Variants in PCSK5 observed in about 807,000 individuals in gnomAD.
PCSK5 encodes the protein proprotein convertase subtilisin/kexin type 5.
In PCSK5, 129 loss-of-function variants were observed where a neutral mutation model predicts 233.2. That is an observed-to-expected ratio of 0.55 (90% CI 0.48 to 0.64). The LOEUF (loss-of-function observed/expected upper bound fraction) is 0.64. PCSK5 is among the 30% of genes least tolerant of loss of function. The probability of loss-of-function intolerance (pLI) is 0.00; values close to 1 mark genes in which losing one functional copy is unlikely to be tolerated. For missense variants in PCSK5, 2,076 were observed against 2,430.1 expected, an observed-to-expected ratio of 0.85 and a Z score of 3.06; for synonymous variants, 825 against 879.2, an observed-to-expected ratio of 0.94 and a Z score of 1.09.
chr9:76,362,631 A>G lies in PCSK5; in HGVS notation c.*3709A>G, dbSNP rs1367180264. On this transcript the variant is annotated 3_prime_UTR_variant, in exon 38 of 38. Transcript: ENST00000674117. ...CAAAGAAAGAAGAAGTAAAAACTAA[A>G]AGGCAAAAATGAAATCCACAGGCAG... 1.3e-5 allele frequency among the ~76,000 whole-genome samples: 2 copies of G among 152,222 alleles called. No homozygotes were observed. The highest frequency in any genetic ancestry group is 3.8e-4 in the East Asian group (2 of 5,198).
intron 34 of PCSK5, among the ~76,000 whole-genome samples, chr9:76,334,273 G>T (rs1324647590): frequency 3.9e-5 from 6 of 152,126 alleles, no homozygotes; most frequent in Non-Finnish European, 8.8e-5. Flanking sequence ...GATGAGATTT[G>T]GGTGAGACAC....
intron 24 of PCSK5, among the ~76,000 whole-genome samples, chr9:76,259,637 T>C (rs1423511422): frequency 2.0e-5 from 3 of 152,210 alleles, no homozygotes; most frequent in Admixed American, 2.0e-4. Flanking sequence ...ATCGATTCTA[T>C]TTACTGTTGT....
intron 2 of PCSK5, among the ~76,000 whole-genome samples, chr9:75,946,879 C>T (rs1587402493): frequency 6.6e-6 from 1 of 152,274 alleles, no homozygotes; most frequent in East Asian, 1.9e-4. Context: ...TAAGCCACCG[C>T]GCCCAGCCAA....
chr9:76,230,697 G>A (rs985656481), intron 21 of PCSK5, among the ~76,000 whole-genome samples: 3 of 152,118 alleles, frequency 2.0e-5, no homozygotes, highest in Non-Finnish European at 4.4e-5. Context: ...CACATCAGCA[G>A]CAGCATTAGA....
intron 24 of PCSK5, among the ~76,000 whole-genome samples, chr9:76,252,314 G>T (rs987328578): frequency 2.6e-5 from 4 of 152,000 alleles, no homozygotes; most frequent in Non-Finnish European, 4.4e-5. Context: ...ATAAAGAAAG[G>T]CTTCTTTTCT....
chr9:76,213,227 C>T (rs1808292887), intron 20 of PCSK5, among the ~76,000 whole-genome samples: 1 of 152,098 alleles, frequency 6.6e-6, no homozygotes, highest in African/African-American at 2.4e-5. Context: ...CTGTAATGAC[C>T]CATGTATAAA....
chr9:76,187,555 G>C lies in PCSK5; in HGVS notation c.2283-1023G>C, dbSNP rs564336360. 9.0e-4 allele frequency among the ~76,000 whole-genome samples: 137 copies of C among 152,086 alleles called. 1 individual carries two copies. Among genetic ancestry groups the C allele is most frequent in the Non-Finnish European group, 1.9e-3 (127 of 67,976 alleles). ...TTTTTTTAGCCTTTGTAGAGATGGCGTCTGACTGTGTTGCCCAGGCTAGTC... is the reference window on the plus strand; with the variant it reads ...TTTTTTTAGCCTTTGTAGAGATGGCCTCTGACTGTGTTGCCCAGGCTAGTC... On this transcript the variant is annotated intron_variant, in intron 17 of 37. Transcript: ENST00000674117.
intron 24 of PCSK5, among the ~76,000 whole-genome samples, chr9:76,264,230 G>C (rs1031338180): frequency 6.6e-6 from 1 of 152,162 alleles, no homozygotes; most frequent in South Asian, 2.1e-4. Context: ...TTTGATAAAT[G>C]GTGCTGGGAT....
intron 17 of PCSK5, among the ~76,000 whole-genome samples, chr9:76,186,854 C>T (rs949071826): frequency 6.6e-5 from 10 of 152,064 alleles, no homozygotes; most frequent in African/African-American, 9.7e-5. Context: ...TAAATGACAG[C>T]GCTCTCTCTC....
intron 2 of PCSK5, among the ~76,000 whole-genome samples, chr9:75,933,325 C>T (rs1587382083): frequency 6.6e-6 from 1 of 152,164 alleles, no homozygotes; most frequent in African/African-American, 2.4e-5. Flanking sequence ...GAGGGCGCAT[C>T]TGTACCAACT....
At chr9:76,056,784 T>G (rs1829834364) in intron 5 of PCSK5, among the ~76,000 whole-genome samples, 1 of 152,176 alleles carries the variant, frequency 6.6e-6, no homozygotes, top group Non-Finnish European at 1.5e-5. Flanking sequence ...GAATCAGAAG[T>G]GATGCAATAA....
chr9:75,897,266 C>T (rs1587326347), intron 1 of PCSK5, among the ~76,000 whole-genome samples: 1 of 151,902 alleles, frequency 6.6e-6, no homozygotes, highest in South Asian at 2.1e-4. Flanking sequence ...GTGATTGTCC[C>T]TGGGGATATA....
chr9:76,241,922 G>T (rs1015233583), intron 24 of PCSK5, among the ~76,000 whole-genome samples: 1 of 152,178 alleles, frequency 6.6e-6, no homozygotes, highest in Non-Finnish European at 1.5e-5. Context: ...TTGAAATGCA[G>T]ATTCTGATTC....
In PCSK5 at chr9:76,148,137, C is replaced by T. The variant is rs780365660; in HGVS notation, c.1313-8908C>T. Among the ~76,000 whole-genome samples, 45 of 151,802 alleles carry T rather than the reference C, an allele frequency of 3.0e-4. 1 individual carries two copies. The highest frequency in any genetic ancestry group is 5.9e-5 in the Non-Finnish European group (4 of 67,934). ...AAATTATTCTACAACTTTGACCCAT[C>T]TCCTGCTTGCCAAATCGGAAGACCT... is the stretch of plus-strand genomic sequence containing the variant. On this transcript the variant is annotated intron_variant, in intron 10 of 37. Coordinates refer to ENST00000674117, the MANE Select transcript of PCSK5 (RefSeq NM_001372043.1).
intron 10 of PCSK5, among the ~76,000 whole-genome samples, chr9:76,135,701 A>G (rs1822942479): frequency 6.6e-6 from 1 of 152,074 alleles, no homozygotes; most frequent in Admixed American, 6.6e-5. Context: ...AACTCGTACA[A>G]TATAAATCCA....
Position 76,251,633 on chromosome 9 carries a change from C to T in PCSK5, c.3142+10949C>T, listed in dbSNP as rs144285423. 1.5e-4 allele frequency among the ~76,000 whole-genome samples: 22 copies of T among 151,084 alleles called. 1 individual carries two copies. In the East Asian group the frequency reaches 4.3e-3, roughly 29 times the overall value. On this transcript the variant is annotated intron_variant, in intron 24 of 37. Coordinates refer to ENST00000674117, the MANE Select transcript of PCSK5 (RefSeq NM_001372043.1). Reference sequence around the variant, plus strand: ...ACATTAGAATGATTCCATTAATATTCTCTTTGCTGATTCTGTATAATACAG... The same window carrying T: ...ACATTAGAATGATTCCATTAATATTTTCTTTGCTGATTCTGTATAATACAG...
At chr9:76,335,941 T>C (rs1256225096) in intron 34 of PCSK5, among the ~76,000 whole-genome samples, 1 of 152,204 alleles carries the variant, frequency 6.6e-6, no homozygotes. Context: ...GTCACAGAGC[T>C]ACTAATACAT....
intron 5 of PCSK5, among the ~76,000 whole-genome samples, chr9:76,064,446 C>T (rs1322489814): frequency 7.2e-6 from 1 of 139,234 alleles, no homozygotes; most frequent in Non-Finnish European, 1.6e-5. Context: ...GCACGGCTGG[C>T]CGGGCGGGGG....
intron 24 of PCSK5, among the ~76,000 whole-genome samples, chr9:76,285,149 G>A (rs1203733008): frequency 1.3e-5 from 2 of 152,102 alleles, no homozygotes; most frequent in Non-Finnish European, 2.9e-5. Flanking sequence ...CATGACTTTG[G>A]TCTAATACTT....
Sources: allele counts gnomAD v4.1 joint callset (sites outside exome capture counted in the v4.1 genomes callset), GRCh38; gene constraint gnomAD v4.1.1; transcripts MANE v1.5; gene names NCBI Gene and HGNC (gene_info 2026-07-23, HGNC 2026-07-21).